Variants in LDLRAD4 observed in about 807,000 individuals in gnomAD.
The protein encoded by LDLRAD4 is low-density lipoprotein receptor class A domain-containing protein 4.
Under a neutral mutation model 17.0 loss-of-function variants are expected in LDLRAD4, and 5 were observed. The observed-to-expected ratio is 0.29, with a 90% CI of 0.15 to 0.62. The LOEUF (loss-of-function observed/expected upper bound fraction) is 0.62, where lower values mean the gene tolerates loss of function less well. LDLRAD4 is among the 20% of genes least tolerant of loss of function. The probability of loss-of-function intolerance (pLI) is 0.84; values close to 1 mark genes in which losing one functional copy is unlikely to be tolerated. For missense variants in LDLRAD4, 340 were observed against 424.7 expected, an observed-to-expected ratio of 0.80 and a Z score of 1.75; for synonymous variants, 168 against 171.8, an observed-to-expected ratio of 0.98 and a Z score of 0.17.
intron 3 of LDLRAD4, among the ~76,000 whole-genome samples, chr18:13,577,644 T>C (rs1400960283): frequency 1.3e-5 from 2 of 152,216 alleles, no homozygotes; most frequent in African/African-American, 4.8e-5. Context: ...AGGGGAGCTC[T>C]GTGTGCGGCG....
intron 1 of LDLRAD4, among the ~76,000 whole-genome samples, chr18:13,246,725 T>C (rs978487540): frequency 6.6e-5 from 10 of 152,356 alleles, no homozygotes; most frequent in Admixed American, 5.9e-4. Flanking sequence ...GAGTGCGCCA[T>C]GTCAGAGGCT....
rs558069243 is a variant in LDLRAD4, at chr18:13,587,714, C to T, written c.182-33403C>T. Among the ~76,000 whole-genome samples the T allele has an allele frequency of 3.3e-5, 5 of 152,246 alleles. No individual in the cohort carries two copies. In the South Asian group the frequency reaches 1.0e-3, roughly 32 times the overall value. On this transcript the variant is annotated intron_variant, in intron 3 of 5. Transcript: ENST00000359446. ...CTCTGATCCCTTCTGGGCCACTGTCCCAGTGGGGCTATTTTTCTCCAATCT... is the reference window on the plus strand; with the variant it reads ...CTCTGATCCCTTCTGGGCCACTGTCTCAGTGGGGCTATTTTTCTCCAATCT...
intron 1 of LDLRAD4, among the ~76,000 whole-genome samples, chr18:13,365,354 T>G (rs1223775276): frequency 6.6e-6 from 1 of 152,224 alleles, no homozygotes; most frequent in East Asian, 1.9e-4. Context: ...TCATGTGTAT[T>G]CATTAATGCC....
chr18:13,565,354 A>G (rs1407137443), intron 3 of LDLRAD4, among the ~76,000 whole-genome samples: 2 of 151,834 alleles, frequency 1.3e-5, no homozygotes, highest in Non-Finnish European at 2.9e-5. Context: ...CCTGAACCAC[A>G]GAAGCGAACA....
intron 3 of LDLRAD4, among the ~76,000 whole-genome samples, chr18:13,574,740 T>C (rs2094744010): frequency 6.6e-6 from 1 of 152,224 alleles, no homozygotes; most frequent in African/African-American, 2.4e-5. Context: ...TTCAGGACCA[T>C]CTTACAAATT....
intron 1 of LDLRAD4, among the ~76,000 whole-genome samples, chr18:13,222,586 G>T (rs1421641637): frequency 6.6e-6 from 1 of 152,182 alleles, no homozygotes; most frequent in East Asian, 1.9e-4. Flanking sequence ...GCTGGGCGCC[G>T]CTCATGGGCC....
At chr18:13,601,787 C>G (rs1171281308) in intron 3 of LDLRAD4, among the ~76,000 whole-genome samples, 2 of 152,154 alleles carry the variant, frequency 1.3e-5, no homozygotes, top group African/African-American at 4.8e-5. Context: ...AACTACCATT[C>G]CACCCAGCAA....
chr18:13,390,442 G>C (rs539650630), intron 2 of LDLRAD4, among the ~76,000 whole-genome samples: 1 of 152,198 alleles, frequency 6.6e-6, no homozygotes, highest in African/African-American at 2.4e-5. Context: ...GGGTACACAC[G>C]GGTTCCCTGG....
chr18:13,460,389 C>T (rs1260369773), intron 3 of LDLRAD4, among the ~76,000 whole-genome samples: 1 of 152,146 alleles, frequency 6.6e-6, no homozygotes, highest in Non-Finnish European at 1.5e-5. Context: ...GATGGGGTCT[C>T]ACCGTTTTGC....
At chr18:13,514,071 T>A (rs2147518483) in intron 3 of LDLRAD4, among the ~76,000 whole-genome samples, 1 of 152,362 alleles carries the variant, frequency 6.6e-6, no homozygotes, top group Non-Finnish European at 1.5e-5. Context: ...TTATTGTTGT[T>A]GTATTTCATG....
chr18:13,462,304 C>G (rs146445756), intron 3 of LDLRAD4: 1 of 152,310 alleles, frequency 6.6e-6, no homozygotes, highest in Non-Finnish European at 1.5e-5. Context: ...GGAGTAAGGC[C>G]GGGAAGCAAG....
At chr18:13,404,624 C>T (rs1015655423) in intron 2 of LDLRAD4, among the ~76,000 whole-genome samples, 6 of 152,064 alleles carry the variant, frequency 3.9e-5, no homozygotes, top group East Asian at 3.9e-4. Context: ...GGTGAAACCC[C>T]GTCTCTACTA....
At chr18:13,464,998 G>C (rs2092566209) in intron 3 of LDLRAD4, 1 of 152,426 alleles carries the variant, frequency 6.6e-6, no homozygotes, top group East Asian at 1.9e-4. Flanking sequence ...CAGGAGCCGG[G>C]AGGAAGGGAG....
At chr18:13,573,117 T>G (rs12709554) in intron 3 of LDLRAD4, among the ~76,000 whole-genome samples, 56,341 of 152,168 alleles carry the variant, frequency 0.37, 11,356 homozygotes, top group South Asian at 0.5. Flanking sequence ...TTTATTTTAT[T>G]TTTTTGAGAC....
chr18:13,311,041 G>C (rs768183538), intron 1 of LDLRAD4, among the ~76,000 whole-genome samples: 2 of 152,140 alleles, frequency 1.3e-5, no homozygotes, highest in Non-Finnish European at 2.9e-5. Context: ...CTCCCTCAAA[G>C]GGCAGATAAA....
intron 3 of LDLRAD4, among the ~76,000 whole-genome samples, chr18:13,504,688 A>G (rs2093663315): frequency 1.3e-5 from 2 of 152,114 alleles, no homozygotes; most frequent in African/African-American, 2.4e-5. Context: ...TCGGCTACCC[A>G]AAGTGCTGGG....
Position 13,479,458 on chromosome 18 carries a change from T to C in LDLRAD4, c.181+41074T>C, listed in dbSNP as rs138491500. On this transcript the variant is annotated intron_variant, in intron 3 of 5. Coordinates refer to ENST00000359446, the Ensembl canonical transcript of LDLRAD4. ...CAACATGGCATAACCCCATCTCTAC[T>C]AAAAATACAAAAATTAGCTGGACAT... 2.3e-3 allele frequency among the ~76,000 whole-genome samples: 351 copies of C among 152,144 alleles called. 2 individuals are homozygous for C. The highest frequency in any genetic ancestry group is 7.9e-3 in the African/African-American group (328 of 41,508).
chr18:13,294,672 A>G (rs929846111), intron 1 of LDLRAD4, among the ~76,000 whole-genome samples: 2 of 152,136 alleles, frequency 1.3e-5, no homozygotes, highest in African/African-American at 4.8e-5. Flanking sequence ...TCGGGGACAC[A>G]GGCGGATGAG....
chr18:13,627,503 T>C (rs1420996601), intron 4 of LDLRAD4, among the ~76,000 whole-genome samples: 1 of 152,170 alleles, frequency 6.6e-6, no homozygotes, highest in Non-Finnish European at 1.5e-5. Flanking sequence ...GAGAAAATTT[T>C]CTTCTGCACT....
Sources: allele counts gnomAD v4.1 joint callset (sites outside exome capture counted in the v4.1 genomes callset), GRCh38; gene constraint gnomAD v4.1.1; transcripts MANE v1.5; gene names NCBI Gene and HGNC (gene_info 2026-07-23, HGNC 2026-07-21).